PIEZO2: variants seen among roughly 807,000 people sequenced by gnomAD.
PIEZO2 encodes piezo type mechanosensitive ion channel component 2.
Under a neutral mutation model 337.3 loss-of-function variants are expected in PIEZO2, and 172 were observed. The ratio of observed to expected loss-of-function variants is 0.51; its 90% CI spans 0.45 to 0.58. The LOEUF (loss-of-function observed/expected upper bound fraction) is 0.58. PIEZO2 is among the 20% of genes least tolerant of loss of function. The pLI, the probability that PIEZO2 is intolerant of heterozygous loss-of-function variation, is 0.00. For synonymous variants in PIEZO2, 1,251 were observed against 1,228.5 expected (o/e 1.02, Z -0.38); for missense variants, 3,028 against 3,391.3 (o/e 0.89, Z 2.66).
In PIEZO2 at chr18:10,857,176, C is replaced by T. The variant is rs747004037; in HGVS notation, c.528G>A (p.Leu176=). The T allele has an allele frequency of 1.1e-5, 17 of 1,537,876 alleles. No individual in the cohort carries two copies. The highest frequency in any genetic ancestry group is 1.4e-5 in the African/African-American group (1 of 73,168). Residue 176 remains leucine, a synonymous_variant, in exon 6 of 56, where the codon CTG becomes CTA. Coordinates refer to ENST00000674853, the MANE Select transcript of PIEZO2 (RefSeq NM_001378183.1). ...EGEKIDSEEA[L]IYEEDFNGGD... is the part of the protein sequence containing the mutation. The stretch of plus-strand genomic sequence containing the variant: ...CTCCATTGAAATCCTCTTCATAGAT[C>T]AGTGCCTCTTCTGAATCAATTTTTT...
At chr18:11,136,765 C>T (rs564020281) in intron 1 of PIEZO2, among the ~76,000 whole-genome samples, 3 of 152,236 alleles carry the variant, frequency 2.0e-5, no homozygotes, top group Admixed American at 6.5e-5. Flanking sequence ...CTACACACAC[C>T]TGAGGTGTTT....
chr18:10,875,857 A>G (rs2042255681), intron 4 of PIEZO2, among the ~76,000 whole-genome samples: 1 of 152,232 alleles, frequency 6.6e-6, no homozygotes, highest in African/African-American at 2.4e-5. Context: ...TAAGGGAATA[A>G]ATGAATGTAG....
chr18:10,677,735 A>C lies in PIEZO2; in HGVS notation c.8081+12T>G, dbSNP rs2034074247. The C allele has an allele frequency of 6.2e-7, 1 of 1,606,156 alleles. No homozygotes were observed. Among genetic ancestry groups the C allele is most frequent in the Non-Finnish European group, 8.5e-7 (1 of 1,178,232 alleles). ...CTAACAAAGCTCTATTAGTAGGAAA[A>C]AATACACTTACACTGGTGTTTTTGA... On this transcript the variant is annotated intron_variant, in intron 53 of 55. Coordinates refer to ENST00000674853, the MANE Select transcript of PIEZO2 (RefSeq NM_001378183.1). This position sits in a 1 kb window ranked among gnomAD's most constrained non-coding sequence, Gnocchi z 4.1.
At chr18:10,778,482 G>A (rs1013115555) in intron 18 of PIEZO2, among the ~76,000 whole-genome samples, 7 of 151,964 alleles carry the variant, frequency 4.6e-5, no homozygotes, top group Admixed American at 2.0e-4. Context: ...ACAGGCGCCC[G>A]CCACCACACC....
intron 28 of PIEZO2, among the ~76,000 whole-genome samples, chr18:10,751,626 A>C (rs1941545): frequency 0.63 from 95,845 of 152,048 alleles, 32,226 homozygotes; most frequent in African/African-American, 0.88. Flanking sequence ...AATCAAGGAG[A>C]TATCACAACT....
chr18:11,056,119 C>G (rs2145873303), intron 2 of PIEZO2, among the ~76,000 whole-genome samples: 1 of 152,328 alleles, frequency 6.6e-6, no homozygotes, highest in South Asian at 2.1e-4. Context: ...GTGGGGGCCT[C>G]AGCTGCTGGG....
At position 11,101,413 on chromosome 18, in the gene PIEZO2, A is replaced by C. The variant is rs2039415122; in HGVS notation, c.65-35191T>G. On this transcript the variant is annotated intron_variant, in intron 1 of 55. Coordinates refer to ENST00000674853, the MANE Select transcript of PIEZO2 (RefSeq NM_001378183.1). The surrounding 1 kb of genome is among the most constrained non-coding windows in gnomAD (Gnocchi z 4.4). Reference sequence around the variant, plus strand: ...GTGGTTCCCTTAAAGTTATAGGATAACATAAAAAACCTCTGTTTTCAGCAA... The same window carrying C: ...GTGGTTCCCTTAAAGTTATAGGATACCATAAAAAACCTCTGTTTTCAGCAA... Among the ~76,000 whole-genome samples the C allele has an allele frequency of 6.6e-6, 1 of 152,240 alleles. No individual in the cohort carries two copies. The highest frequency in any genetic ancestry group is 2.4e-5 in the African/African-American group (1 of 41,462).
intron 36 of PIEZO2, among the ~76,000 whole-genome samples, chr18:10,719,564 C>A (rs1216906350): frequency 6.6e-6 from 1 of 152,186 alleles, no homozygotes; most frequent in Admixed American, 6.5e-5. Context: ...ATGACATATA[C>A]ATATATATCA....
intron 18 of PIEZO2, among the ~76,000 whole-genome samples, chr18:10,776,784 G>A (rs189392891): frequency 6.6e-6 from 1 of 152,134 alleles, no homozygotes; most frequent in African/African-American, 2.4e-5. Flanking sequence ...CTCCGGGAAA[G>A]CCTGTGTATT....
Position 10,687,262 on chromosome 18 carries a change from C to A in PIEZO2, c.7497+2393G>T, listed in dbSNP as rs2034585923. On this transcript the variant is annotated intron_variant, in intron 49 of 55. Coordinates refer to ENST00000674853, the MANE Select transcript of PIEZO2 (RefSeq NM_001378183.1). ...TTAAGCCCAGTGTCCATTAGCCATTCTTCCAGATGCTCTTCCTCCTCACTC... is the reference window on the plus strand; with the variant it reads ...TTAAGCCCAGTGTCCATTAGCCATTATTCCAGATGCTCTTCCTCCTCACTC... 2.7e-5 allele frequency among the ~76,000 whole-genome samples: 4 copies of A among 149,652 alleles called. No homozygotes were observed. The South Asian group carries it at 8.7e-4, about 33-fold the overall frequency.
At chr18:11,040,234 C>A (rs1476734967) in intron 2 of PIEZO2, among the ~76,000 whole-genome samples, 1 of 142,088 alleles carries the variant, frequency 7.0e-6, no homozygotes, top group East Asian at 2.0e-4. Context: ...TTAGCTATTT[C>A]TTCTATTATT....
intron 30 of PIEZO2, among the ~76,000 whole-genome samples, chr18:10,744,546 G>A (rs767177075): frequency 1.3e-5 from 2 of 152,138 alleles, no homozygotes; most frequent in Non-Finnish European, 1.5e-5. Flanking sequence ...CCCACTGAAC[G>A]TTAGACTTCA....
chr18:11,103,316 T>C lies in PIEZO2; in HGVS notation c.65-37094A>G, dbSNP rs187539980. Among the ~76,000 whole-genome samples, 128 of 152,324 alleles carry C rather than the reference T, an allele frequency of 8.4e-4. 1 individual carries two copies. The highest frequency in any genetic ancestry group is 1.7e-3 in the South Asian group (8 of 4,828). ...ACAGTTTTAACTGTCAAACAGGTGATCTGCTTGCCTTGACCTCCCAAAGTG... is the reference window on the plus strand; with the variant it reads ...ACAGTTTTAACTGTCAAACAGGTGACCTGCTTGCCTTGACCTCCCAAAGTG... On this transcript the variant is annotated intron_variant, in intron 1 of 55. Coordinates refer to ENST00000674853, the MANE Select transcript of PIEZO2 (RefSeq NM_001378183.1).
chr18:11,128,905 A>T lies in PIEZO2; in HGVS notation c.64+19620T>A, dbSNP rs934313171. 1.3e-5 allele frequency among the ~76,000 whole-genome samples: 2 copies of T among 152,240 alleles called. No homozygotes were observed. Among genetic ancestry groups the T allele is most frequent in the Non-Finnish European group, 2.9e-5 (2 of 68,042 alleles). Reference sequence around the variant, plus strand: ...TGGGATAATAGTGGAAGGAACAAAGAGTTGGATCAGCCTGAATTTATTGAT... The same window carrying T: ...TGGGATAATAGTGGAAGGAACAAAGTGTTGGATCAGCCTGAATTTATTGAT... On this transcript the variant is annotated intron_variant, in intron 1 of 55. Coordinates refer to ENST00000674853, the MANE Select transcript of PIEZO2 (RefSeq NM_001378183.1). The surrounding 1 kb of genome is among the most constrained non-coding windows in gnomAD (Gnocchi z 4.1).
At position 10,973,196 on chromosome 18, in the gene PIEZO2, T is replaced by C. The variant is rs1216482424; in HGVS notation, c.286+6339A>G. 6.6e-6 allele frequency among the ~76,000 whole-genome samples: 1 copy of C among 152,166 alleles called. No individual in the cohort carries two copies. Among genetic ancestry groups the C allele is most frequent in the Non-Finnish European group, 1.5e-5 (1 of 68,032 alleles). The stretch of plus-strand genomic sequence containing the variant: ...TATCAACACGGCATTGGCCTAAGGG[T>C]TGTTCATACGGGTGGGTGTCATGCA... On this transcript the variant is annotated intron_variant, in intron 3 of 55. Transcript: ENST00000674853. This position sits in a 1 kb window ranked among gnomAD's most constrained non-coding sequence, Gnocchi z 4.9.
chr18:10,752,006 G>A (rs1214077309), intron 28 of PIEZO2, among the ~76,000 whole-genome samples: 1 of 152,174 alleles, frequency 6.6e-6, no homozygotes, highest in Non-Finnish European at 1.5e-5. Flanking sequence ...GGTTGTGGGG[G>A]GGGAGGGTCC....
chr18:10,674,893 G>A (rs2033925272), intron 54 of PIEZO2, among the ~76,000 whole-genome samples: 1 of 152,182 alleles, frequency 6.6e-6, no homozygotes, highest in Non-Finnish European at 1.5e-5. Context: ...AATGTATGAG[G>A]CAGTTTCCTG....
At chr18:10,908,122 A>C (rs979575014) in intron 4 of PIEZO2, among the ~76,000 whole-genome samples, 51 of 152,360 alleles carry the variant, frequency 3.3e-4, no homozygotes, top group Admixed American at 9.8e-4. Context: ...CAATGCATAT[A>C]ATCACACAGC....
At chr18:10,704,302 G>T in intron 42 of PIEZO2, 92 bp downstream of exon 42, 1 of 1,457,340 alleles carries the variant, frequency 6.9e-7, no homozygotes. Flanking sequence ...ATCAGGGCAG[G>T]CCCGTCTCAA....
Sources: allele counts gnomAD v4.1 joint callset (sites outside exome capture counted in the v4.1 genomes callset), GRCh38; gene constraint gnomAD v4.1.1; non-coding constraint Gnocchi (gnomAD v3.1); transcripts MANE v1.5; gene names NCBI Gene and HGNC (gene_info 2026-07-23, HGNC 2026-07-21).